BAZ1B: variants seen among roughly 807,000 people sequenced by gnomAD.
BAZ1B encodes bromodomain adjacent to zinc finger domain 1B.
BAZ1B carries 22 observed loss-of-function variants against 153.8 expected under a neutral mutation model. The observed-to-expected ratio is 0.14, with a 90% confidence interval of 0.10 to 0.20. The LOEUF is 0.20. Among genes scored for constraint, BAZ1B ranks in the 10% least tolerant of loss-of-function variants. BAZ1B has a pLI of 1.00. For missense variants in BAZ1B, 1,325 were observed against 1,799.3 expected, an observed-to-expected ratio of 0.74 and a Z score of 4.77; for synonymous variants, 676 against 633.4, an observed-to-expected ratio of 1.07 and a Z score of -1.01.
At chr7:73,479,586 T>C (rs1554573416) in intron 6 of BAZ1B, among the ~76,000 whole-genome samples, 3 of 151,750 alleles carry the variant, frequency 2.0e-5, no homozygotes, top group Non-Finnish European at 4.4e-5. Context: ...CCTCTTATGT[T>C]CCAAATCCAC....
At chr7:73,472,027 A>G (rs1788823776) in intron 7 of BAZ1B, among the ~76,000 whole-genome samples, 1 of 152,226 alleles carries the variant, frequency 6.6e-6, no homozygotes. Flanking sequence ...TGAACTAGTT[A>G]TCCAAAGACC....
intron 11 of BAZ1B, 104 bp from the exon 12 acceptor site, chr7:73,463,203 ATC>A (rs1175756947): frequency 2.8e-6 from 3 of 1,057,124 alleles, no homozygotes; most frequent in Admixed American, 2.5e-5. Flanking sequence ...ACTTACTTAG[ATC>A]TCTTTCACCT....
intron 13 of BAZ1B, among the ~76,000 whole-genome samples, chr7:73,455,905 A>G (rs1176553950): frequency 1.3e-5 from 2 of 152,248 alleles, no homozygotes; most frequent in African/African-American, 4.8e-5. Flanking sequence ...TGTTGTGCAC[A>G]GTATAAGTTT....
chr7:73,484,320 C>CA (rs1789317078), intron 6 of BAZ1B, among the ~76,000 whole-genome samples: 1 of 135,934 alleles, frequency 7.4e-6, no homozygotes, highest in African/African-American at 2.6e-5. Flanking sequence ...GATAGACAGA[C>CA]AGACAGACAG....
In BAZ1B at chr7:73,450,989, T is replaced by C. The variant is rs781989876; in HGVS notation, c.3438A>G (p.Ala1146=). 2 of 1,614,174 alleles carry C rather than the reference T, an allele frequency of 1.2e-6. No homozygotes were observed. Among genetic ancestry groups the C allele is most frequent in the South Asian group, 1.1e-5 (1 of 91,084 alleles). The change falls in exon 14 of 20, where the codon GCA becomes GCG. Residue 1146 remains alanine (A), a synonymous_variant. Transcript: ENST00000339594. The surrounding 1 kb of genome is among the most constrained non-coding windows in gnomAD (Gnocchi z 4.1). ...CTGTCTTCCATTTCTCCAGTGCAGA[T>C]GCAACCTAAACAGAGACCAAACCAG... ...EKKMVEEAKV[A]SALEKWKTAI...
intron 4 of BAZ1B, among the ~76,000 whole-genome samples, chr7:73,493,174 T>C (rs1253177168): frequency 6.6e-6 from 1 of 152,068 alleles, no homozygotes; most frequent in African/African-American, 2.4e-5. Flanking sequence ...AAAAACACTA[T>C]GAGAGGCCGG....
chr7:73,472,995 T>C (rs1162741233), intron 7 of BAZ1B, among the ~76,000 whole-genome samples: 1 of 149,968 alleles, frequency 6.7e-6, no homozygotes, highest in Non-Finnish European at 1.5e-5. Flanking sequence ...CAGGCTGGAG[T>C]ACGGTGGCCG....
intron 1 of BAZ1B, among the ~76,000 whole-genome samples, chr7:73,515,237 G>C (rs782582110): frequency 6.6e-6 from 1 of 152,152 alleles, no homozygotes; most frequent in Non-Finnish European, 1.5e-5. Context: ...AAATATGATA[G>C]ATTGTATTAG....
At chr7:73,507,489 A>C (rs1554577945) in intron 3 of BAZ1B, among the ~76,000 whole-genome samples, 1 of 152,150 alleles carries the variant, frequency 6.6e-6, no homozygotes, top group South Asian at 2.1e-4. Flanking sequence ...TAGAGGTTGC[A>C]ATGAGCCAAG....
chr7:73,446,885 G>A (rs1196163952), intron 16 of BAZ1B, among the ~76,000 whole-genome samples: 6 of 152,196 alleles, frequency 3.9e-5, no homozygotes, highest in African/African-American at 1.2e-4. Context: ...TGAAAGCAGC[G>A]ATAAAACAAC....
intron 3 of BAZ1B, among the ~76,000 whole-genome samples, chr7:73,505,278 TAC>T (rs1554577608): frequency 6.6e-6 from 1 of 152,158 alleles, no homozygotes; most frequent in African/African-American, 2.4e-5. Context: ...TCACTCTGAA[TAC>T]AGTCACATTT....
chr7:73,447,519 T>C (rs2237279), intron 15 of BAZ1B, 140 bp from the exon 16 acceptor site: 490,739 of 1,087,840 alleles, frequency 0.45, 117,233 homozygotes, highest in East Asian at 0.48. Flanking sequence ...GGAGGGAACC[T>C]GAATGTAAGC....
In BAZ1B at chr7:73,450,721, A is replaced by G. The variant is rs782673704; in HGVS notation, c.3580+126T>C. On this transcript the variant is annotated intron_variant, in intron 14 of 19. Coordinates refer to ENST00000339594, the MANE Select transcript of BAZ1B (RefSeq NM_032408.4). This position sits in a 1 kb window ranked among gnomAD's most constrained non-coding sequence, Gnocchi z 4.1. ...GACTGGCATGTTACAGACCTGCAGG[A>G]GAGTAAAATCTATACCACACTTATA... 245 of 1,110,206 alleles carry G rather than the reference A, an allele frequency of 2.2e-4. No homozygotes were observed. Among genetic ancestry groups the G allele is most frequent in the Non-Finnish European group, 3.0e-4 (234 of 775,842 alleles). 68.8% of individuals were successfully genotyped at this position (1,110,206 alleles called of 1,614,324 possible). A position where few individuals can be genotyped will look rare whatever the true frequency, so the allele number is the denominator to read the frequency against.
At chr7:73,483,256 TA>T (rs1364811051) in intron 6 of BAZ1B, among the ~76,000 whole-genome samples, 2 of 152,146 alleles carry the variant, frequency 1.3e-5, no homozygotes, top group Non-Finnish European at 2.9e-5. Context: ...GTTTCTTGAT[TA>T]AAAAAAGGAT....
At chr7:73,442,068 G>A in intron 19 of BAZ1B, 113 bp downstream of exon 19, 1 of 756,894 alleles carries the variant, frequency 1.3e-6, no homozygotes, top group South Asian at 1.8e-5. Flanking sequence ...AACAGCATAA[G>A]CTTGGGATGA....
chr7:73,468,848 G>T lies in BAZ1B; in HGVS notation c.2866+669C>A, dbSNP rs202136000. On this transcript the variant is annotated intron_variant, in intron 9 of 19. Coordinates refer to ENST00000339594, the MANE Select transcript of BAZ1B (RefSeq NM_032408.4). ...TTAATTTTAAAAGTAGAAGAAGAGG[G>T]TCAGGTGCAGTGGCTCACACTTGTA... Among the ~76,000 whole-genome samples the T allele has an allele frequency of 2.0e-5, 3 of 152,296 alleles. No homozygotes were observed. The East Asian group carries it at 5.8e-4, about 29-fold the overall frequency.
At chr7:73,454,072 GA>G in intron 13 of BAZ1B, among the ~76,000 whole-genome samples, 1 of 152,208 alleles carries the variant, frequency 6.6e-6, no homozygotes, top group South Asian at 2.1e-4. Flanking sequence ...GCCAAGATGG[GA>G]GGAGCACTGG....
intron 6 of BAZ1B, 72 bp from the exon 7 acceptor site, chr7:73,478,641 A>G: frequency 4.7e-6 from 6 of 1,264,560 alleles, no homozygotes; most frequent in South Asian, 3.5e-5. Context: ...TAAGCATCTT[A>G]AAGGCCCTCT....
rs782215721 is a variant in BAZ1B, at chr7:73,444,031, ACCT to A, written c.3940_3942del (p.Arg1314del). 2 of 1,613,722 alleles carry A rather than the reference ACCT, an allele frequency of 1.2e-6. No individual in the cohort carries two copies. Among genetic ancestry groups the A allele is most frequent in the South Asian group, 1.1e-5 (1 of 90,980 alleles). On this transcript the variant is annotated inframe_deletion, in exon 17 of 20. Coordinates refer to ENST00000339594, the MANE Select transcript of BAZ1B (RefSeq NM_032408.4). The stretch of plus-strand genomic sequence containing the variant: ...TCCACAGGTGGTGCCTTGGGCTGAG[ACCT>A]CCTGGTAGAGTGTGGCTTCTTACCC...
Sources: allele counts gnomAD v4.1 joint callset (sites outside exome capture counted in the v4.1 genomes callset), GRCh38; gene constraint gnomAD v4.1.1; non-coding constraint Gnocchi (gnomAD v3.1); transcripts MANE v1.5; gene names NCBI Gene and HGNC (gene_info 2026-07-23, HGNC 2026-07-21).